PPP2R5A: variants seen among roughly 807,000 people sequenced by gnomAD.
PPP2R5A encodes the protein serine/threonine-protein phosphatase 2A 56 kDa regulatory subunit alpha isoform.
A neutral mutation model predicts 64.2 loss-of-function variants in PPP2R5A; 25 were observed. The observed-to-expected ratio is 0.39, with a 90% CI of 0.28 to 0.54. The LOEUF is 0.54. Ranked by LOEUF, PPP2R5A falls within the 20% of genes least tolerant of loss-of-function variation. The probability of loss-of-function intolerance (pLI) is 0.67; values close to 1 mark genes in which losing one functional copy is unlikely to be tolerated. For synonymous variants in PPP2R5A, 198 were observed against 201.2 expected, an observed-to-expected ratio of 0.98 and a Z score of 0.13; for missense variants, 425 against 576.3, an observed-to-expected ratio of 0.74 and a Z score of 2.69.
intron 1 of PPP2R5A, among the ~76,000 whole-genome samples, chr1:212,328,233 C>T (rs1659440289): frequency 6.6e-6 from 1 of 152,086 alleles, no homozygotes; most frequent in African/African-American, 2.4e-5. Flanking sequence ...AGTGGATAAA[C>T]CAACCAATTT....
intron 1 of PPP2R5A, among the ~76,000 whole-genome samples, chr1:212,305,994 A>G (rs2102417043): frequency 6.6e-6 from 1 of 152,302 alleles, no homozygotes; most frequent in Non-Finnish European, 1.5e-5. Context: ...AAGCAATTTT[A>G]CTTCTGCACA....
chr1:212,345,709 T>A, intron 4 of PPP2R5A, 94 bp from the exon 5 acceptor site: 1 of 1,378,180 alleles, frequency 7.3e-7, no homozygotes. Flanking sequence ...AAAAAATTTT[T>A]AAAAGATGTC....
intron 1 of PPP2R5A, among the ~76,000 whole-genome samples, chr1:212,311,421 G>A (rs566447191): frequency 6.6e-6 from 1 of 151,690 alleles, no homozygotes; most frequent in African/African-American, 2.4e-5. Flanking sequence ...AGCCATGATC[G>A]TGCCACTGCA....
At chr1:212,286,750 C>T (rs1658511566) in intron 1 of PPP2R5A, among the ~76,000 whole-genome samples, 1 of 152,180 alleles carries the variant, frequency 6.6e-6, no homozygotes, top group South Asian at 2.1e-4. Context: ...AAGCCGTCTG[C>T]ACCCACCTTC....
chr1:212,352,737 A>G, intron 8 of PPP2R5A: 2 of 512,622 alleles, frequency 3.9e-6, no homozygotes, highest in Non-Finnish European at 7.8e-6. Flanking sequence ...GGCCTGAGCC[A>G]CCATGCCTGG....
At chr1:212,330,711 T>G (rs1659488271) in intron 2 of PPP2R5A, among the ~76,000 whole-genome samples, 1 of 152,162 alleles carries the variant, frequency 6.6e-6, no homozygotes, top group Admixed American at 6.5e-5. Flanking sequence ...GAACCAAATG[T>G]GTAGTAGGAA....
At chr1:212,352,117 G>A (rs1659895398) in intron 8 of PPP2R5A, among the ~76,000 whole-genome samples, 1 of 151,692 alleles carries the variant, frequency 6.6e-6, no homozygotes, top group African/African-American at 2.4e-5. Context: ...TCCACCTCCT[G>A]GGTTCACGCA....
chr1:212,355,146 AGTT>A (rs530617244), intron 8 of PPP2R5A, among the ~76,000 whole-genome samples: 16 of 152,308 alleles, frequency 1.1e-4, no homozygotes, highest in East Asian at 3.9e-4. Flanking sequence ...TGCACATTAT[AGTT>A]GTTGTTGTGA....
At chr1:212,292,149 A>G (rs762186590) in intron 1 of PPP2R5A, among the ~76,000 whole-genome samples, 2 of 152,214 alleles carry the variant, frequency 1.3e-5, no homozygotes, top group African/African-American at 4.8e-5. Context: ...TTTCGTGTCT[A>G]TCATCTAACT....
intron 1 of PPP2R5A, among the ~76,000 whole-genome samples, chr1:212,318,000 A>G (rs936825042): frequency 3.9e-5 from 6 of 152,202 alleles, no homozygotes; most frequent in Admixed American, 3.3e-4. Flanking sequence ...CAAGTTGAGT[A>G]TTGAAAAAGA....
chr1:212,322,329 A>G (rs917348022), intron 1 of PPP2R5A, among the ~76,000 whole-genome samples: 10 of 151,490 alleles, frequency 6.6e-5, no homozygotes, highest in Non-Finnish European at 1.3e-4. Flanking sequence ...TTTATAAAAT[A>G]TAGCAAGAAG....
intron 12 of PPP2R5A, among the ~76,000 whole-genome samples, chr1:212,360,405 G>T (rs895933773): frequency 1.3e-5 from 2 of 152,142 alleles, no homozygotes; most frequent in African/African-American, 4.8e-5. Context: ...AATGTGTAGG[G>T]GACAGAAAGC....
Position 212,354,974 on chromosome 1 carries a change from C to T in PPP2R5A, c.928-1652C>T, listed in dbSNP as rs114465177. Among the ~76,000 whole-genome samples, 1,059 of 152,198 alleles carry T rather than the reference C, an allele frequency of 7.0e-3. 7 individuals are homozygous for T. Among genetic ancestry groups the T allele is most frequent in the African/African-American group, 0.022 (933 of 41,520 alleles). The stretch of plus-strand genomic sequence containing the variant: ...CCATACCATCTAGGTTTAAGTACAC[C>T]CTGTGACATTTAAATGATGAAGTTG... On this transcript the variant is annotated intron_variant, in intron 8 of 12. Coordinates refer to ENST00000261461, the MANE Select transcript of PPP2R5A (RefSeq NM_006243.4).
intron 1 of PPP2R5A, chr1:212,308,963 T>C: frequency 3.3e-6 from 2 of 600,990 alleles, no homozygotes; most frequent in Non-Finnish European, 5.9e-6. Flanking sequence ...TGATATTCTC[T>C]GTTTGATGTA....
intron 3 of PPP2R5A, among the ~76,000 whole-genome samples, chr1:212,338,947 C>A (rs1244648567): frequency 6.6e-6 from 1 of 152,110 alleles, no homozygotes; most frequent in Non-Finnish European, 1.5e-5. Context: ...TAAGCAAAAT[C>A]CCTTACATCC....
At chr1:212,316,230 A>G (rs372655930) in intron 1 of PPP2R5A, among the ~76,000 whole-genome samples, 5 of 152,224 alleles carry the variant, frequency 3.3e-5, no homozygotes, top group Non-Finnish European at 7.3e-5. Flanking sequence ...GCCAAAAGCT[A>G]GGCCTCTTGT....
intron 1 of PPP2R5A, among the ~76,000 whole-genome samples, chr1:212,313,545 A>G (rs1659079333): frequency 6.6e-6 from 1 of 151,610 alleles, no homozygotes; most frequent in Admixed American, 6.6e-5. Context: ...CTGTATACCA[A>G]TTTCTTGTCC....
At chr1:212,286,449 C>G (rs889945210) in intron 1 of PPP2R5A, among the ~76,000 whole-genome samples, 158 bp downstream of exon 1, 1 of 152,202 alleles carries the variant, frequency 6.6e-6, no homozygotes, top group Non-Finnish European at 1.5e-5. Context: ...ACCTCACGCC[C>G]TCCTCCTTAT....
chr1:212,336,245 A>G (rs911316812), intron 3 of PPP2R5A, among the ~76,000 whole-genome samples: 7 of 152,052 alleles, frequency 4.6e-5, no homozygotes, highest in Non-Finnish European at 7.4e-5. Flanking sequence ...TCTCTTGAGT[A>G]TCTGGGACTG....
Sources: gnomAD v4.1 joint callset for allele counts (sites outside exome capture counted in the v4.1 genomes callset) on GRCh38, gnomAD v4.1.1 for gene constraint, MANE v1.5 for transcripts, NCBI Gene and HGNC (gene_info 2026-07-23, HGNC 2026-07-21) for gene names.